ZC3H12B: variants seen among roughly 807,000 people sequenced by gnomAD.
ZC3H12B encodes the protein zinc finger CCCH-type containing 12B.
In ZC3H12B, 7 loss-of-function variants were observed where a neutral mutation model predicts 43.9. That is an observed-to-expected ratio of 0.16 (90% CI 0.09 to 0.30). The LOEUF is 0.30. Among genes scored for constraint, ZC3H12B ranks in the 10% least tolerant of loss-of-function variants. ZC3H12B has a pLI of 1.00. For missense variants in ZC3H12B, 475 were observed against 670.2 expected (o/e 0.71, Z 3.22); for synonymous variants, 222 against 241.7 (o/e 0.92, Z 0.76).
chrX:65,079,345 C>T, the ZC3H12B span, among the ~76,000 whole-genome samples: 1 of 112,574 alleles, frequency 8.9e-6, no homozygotes, highest in Non-Finnish European at 1.9e-5. Flanking sequence ...GCTTTGCCAC[C>T]TTCTGATTAA....
At chrX:65,107,941 C>G in the ZC3H12B span, among the ~76,000 whole-genome samples, 2 of 111,799 alleles carry the variant, frequency 1.8e-5, no homozygotes, top group African/African-American at 6.5e-5. Context: ...TCCTAGGCTG[C>G]AAACTTCTCC....
At chrX:65,036,725 A>G in the ZC3H12B span, among the ~76,000 whole-genome samples, 3 of 110,709 alleles carry the variant, frequency 2.7e-5, no homozygotes, top group Non-Finnish European at 5.7e-5. Context: ...TTGTTTTGGA[A>G]AAGCTTTTGA....
chrX:65,114,158 G>A, the ZC3H12B span, among the ~76,000 whole-genome samples: 3 of 105,451 alleles, frequency 2.8e-5, no homozygotes, highest in African/African-American at 1.0e-4. Context: ...AAGTTTATTT[G>A]CCAGTAGTCT....
chrX:65,372,266 G>A (rs988155798), intron 2 of ZC3H12B, among the ~76,000 whole-genome samples: 32 of 111,881 alleles, frequency 2.9e-4, no homozygotes, highest in African/African-American at 9.7e-4. Flanking sequence ...ATTAGATGAT[G>A]AGACTATATG....
chrX:65,376,505 C>T (rs1334527002), intron 2 of ZC3H12B, among the ~76,000 whole-genome samples: 2 of 111,706 alleles, frequency 1.8e-5, no homozygotes, highest in African/African-American at 6.5e-5. Flanking sequence ...TGACCCAGCA[C>T]ATATCCAGTG....
intron 3 of ZC3H12B, among the ~76,000 whole-genome samples, chrX:65,450,924 T>C (rs775729564): frequency 3.3e-4 from 32 of 97,027 alleles, no homozygotes; most frequent in African/African-American, 7.7e-4. Flanking sequence ...CACACACACA[T>C]ATATATATAT....
At chrX:65,364,972 G>A (rs1190787266), upstream of ZC3H12B, among the ~76,000 whole-genome samples, 2 of 111,251 alleles carry the variant, frequency 1.8e-5, no homozygotes, top group Non-Finnish European at 3.8e-5. Flanking sequence ...TTCCCACAGG[G>A]TCTGAGAAGG....
At chrX:65,379,543 A>T (rs1309655229) in intron 2 of ZC3H12B, among the ~76,000 whole-genome samples, 5 of 112,463 alleles carry the variant, frequency 4.4e-5, no homozygotes, top group Non-Finnish European at 9.4e-5. Context: ...TCTAAAAAGC[A>T]GAGCGCCTCT....
the ZC3H12B span, among the ~76,000 whole-genome samples, chrX:65,356,098 G>T: frequency 8.9e-6 from 1 of 112,003 alleles, no homozygotes; most frequent in Non-Finnish European, 1.9e-5. Context: ...TAGTGAAATG[G>T]ATAGCAAGTG....
the ZC3H12B span, among the ~76,000 whole-genome samples, chrX:65,121,840 G>A: frequency 2.7e-5 from 3 of 111,120 alleles, no homozygotes; most frequent in Non-Finnish European, 5.7e-5. Flanking sequence ...CTAGTATGTT[G>A]TGTCTTTCTT....
the ZC3H12B span, among the ~76,000 whole-genome samples, chrX:65,249,796 A>ATTTTTTTTT: frequency 6.1e-5 from 3 of 48,912 alleles, no homozygotes; most frequent in Non-Finnish European, 1.1e-4. Flanking sequence ...ATTCCTAAGT[A>ATTTTTTTTT]TTTTTTTTTT....
chrX:65,287,176 G>A, the ZC3H12B span, among the ~76,000 whole-genome samples: 1 of 110,864 alleles, frequency 9.0e-6, no homozygotes, highest in Non-Finnish European at 1.9e-5. Context: ...CTGCACTTTT[G>A]GCCAAGTGAA....
chrX:65,412,146 TC>T (rs2066911125), intron 3 of ZC3H12B, among the ~76,000 whole-genome samples: 2 of 111,362 alleles, frequency 1.8e-5, no homozygotes, highest in African/African-American at 6.5e-5. Context: ...TTTCTTCAAT[TC>T]CCCAATGCCC....
chrX:65,141,162 C>G, the ZC3H12B span, among the ~76,000 whole-genome samples: 1 of 110,057 alleles, frequency 9.1e-6, no homozygotes, highest in Non-Finnish European at 1.9e-5. Flanking sequence ...TAAGATCTTT[C>G]TTCCTTTTAA....
the ZC3H12B span, among the ~76,000 whole-genome samples, chrX:65,234,686 A>C: frequency 8.9e-6 from 1 of 112,717 alleles, no homozygotes; most frequent in Admixed American, 9.4e-5. Flanking sequence ...TGCAGTATAC[A>C]AAATCAGTAG....
intron 3 of ZC3H12B, among the ~76,000 whole-genome samples, chrX:65,459,262 G>A (rs1027328757): frequency 2.9e-4 from 32 of 111,739 alleles, no homozygotes; most frequent in Non-Finnish European, 4.9e-4. Context: ...ATTCACAGCC[G>A]AATTCTACCA....
At chrX:65,412,977 T>C (rs1039338621) in intron 3 of ZC3H12B, among the ~76,000 whole-genome samples, 1 of 111,167 alleles carries the variant, frequency 9.0e-6, no homozygotes, top group African/African-American at 3.3e-5. Context: ...ATTTTCTCGG[T>C]TTTTTTTCCT....
chrX:65,065,798 C>A, the ZC3H12B span, among the ~76,000 whole-genome samples: 1 of 108,900 alleles, frequency 9.2e-6, no homozygotes, highest in African/African-American at 3.3e-5. Context: ...TAGATTTGGT[C>A]TTTTTACATA....
At chrX:65,253,357 C>A in the ZC3H12B span, among the ~76,000 whole-genome samples, 1 of 112,214 alleles carries the variant, frequency 8.9e-6, no homozygotes, top group African/African-American at 3.2e-5. Flanking sequence ...TCACCACAGA[C>A]CTGTAGAATA....
Sources: gnomAD v4.1 joint callset for allele counts (sites outside exome capture counted in the v4.1 genomes callset) on GRCh38, gnomAD v4.1.1 for gene constraint, MANE v1.5 for transcripts, NCBI Gene and HGNC (gene_info 2026-07-23, HGNC 2026-07-21) for gene names.